EBF3: variants seen among roughly 807,000 people sequenced by gnomAD.
The protein encoded by EBF3 is EBF transcription factor 3, also known as transcription factor COE3.
A neutral mutation model predicts 77.1 loss-of-function variants in EBF3; 18 were observed. That is an observed-to-expected ratio of 0.23 (90% confidence interval 0.16 to 0.35). The LOEUF (loss-of-function observed/expected upper bound fraction) is 0.35, where lower values mean the gene tolerates loss of function less well. Ranked by LOEUF, EBF3 falls within the 10% of genes least tolerant of loss-of-function variation. EBF3 has a pLI of 1.00. For missense variants in EBF3, 558 were observed against 860.0 expected (o/e 0.65, Z 4.39); for synonymous variants, 350 against 343.5 (o/e 1.02, Z -0.21).
intron 9 of EBF3, among the ~76,000 whole-genome samples, 154 bp from the exon 10 acceptor site, chr10:129,867,421 G>A (rs150770990): frequency 2.4e-4 from 37 of 152,328 alleles, no homozygotes; most frequent in Admixed American, 1.0e-3. Context: ...GGGACCTACA[G>A]TGTTTTTTAA....
intron 6 of EBF3, among the ~76,000 whole-genome samples, chr10:129,902,251 A>G (rs1277637054): frequency 7.2e-6 from 1 of 137,978 alleles, no homozygotes; most frequent in African/African-American, 2.7e-5. Context: ...TTTTTTTACT[A>G]TGTTTCAATG....
In EBF3 at chr10:129,911,461, CT is replaced by C. The variant is rs532122336; in HGVS notation, c.555-33613del. Among the ~76,000 whole-genome samples, 144 of 152,282 alleles carry C rather than the reference CT, an allele frequency of 9.5e-4. 1 individual carries two copies. Among genetic ancestry groups the C allele is most frequent in the African/African-American group, 3.3e-3 (138 of 41,564 alleles). On this transcript the variant is annotated intron_variant, in intron 6 of 16. Coordinates refer to ENST00000440978, the MANE Select transcript of EBF3 (RefSeq NM_001375380.1). The stretch of plus-strand genomic sequence containing the variant: ...TCTGCTCTGCCCCATTCGCCCTCCC[CT>C]ATCCATTCTCCAATCACTTCCCTCT...
At chr10:129,868,103 G>A (rs1328064566) in intron 8 of EBF3, among the ~76,000 whole-genome samples, 191 bp from the exon 9 acceptor site, 1 of 152,272 alleles carries the variant, frequency 6.6e-6, no homozygotes, top group African/African-American at 2.4e-5. Context: ...TTTTATAAAG[G>A]AAAGGCCGAG....
At position 129,938,240 on chromosome 10, in the gene EBF3, T is replaced by C. The variant is rs941734673; in HGVS notation, c.554+19018A>G. The stretch of plus-strand genomic sequence containing the variant: ...TTCTAGAACGGAAATTAGTGGGTTT[T>C]TTTAAAGTTCATGGCGGGGCCGGGT... On this transcript the variant is annotated intron_variant, in intron 6 of 16. Coordinates refer to ENST00000440978, the MANE Select transcript of EBF3 (RefSeq NM_001375380.1). This position sits in a 1 kb window ranked among gnomAD's most constrained non-coding sequence, Gnocchi z 5.1. Among the ~76,000 whole-genome samples the C allele has an allele frequency of 1.3e-5, 2 of 152,148 alleles. No individual in the cohort carries two copies. The highest frequency in any genetic ancestry group is 4.8e-5 in the African/African-American group (2 of 41,438).
intron 6 of EBF3, among the ~76,000 whole-genome samples, chr10:129,925,166 G>A (rs904711185): frequency 1.1e-4 from 17 of 152,092 alleles, no homozygotes; most frequent in Non-Finnish European, 1.8e-4. Context: ...TGGGCCAGGC[G>A]CAGTGGCTCA....
chr10:129,854,062 C>G (rs915758765), intron 10 of EBF3, among the ~76,000 whole-genome samples: 6 of 147,678 alleles, frequency 4.1e-5, no homozygotes, highest in African/African-American at 1.2e-4. Context: ...TATTTAGCTC[C>G]CCCCTGAATA....
rs983969430 is a variant in EBF3, at chr10:129,905,882, C to G, written c.555-28033G>C. On this transcript the variant is annotated intron_variant, in intron 6 of 16. Coordinates refer to ENST00000440978, the MANE Select transcript of EBF3 (RefSeq NM_001375380.1). ...AATGCAACGCTCAGGCACTCAAACA[C>G]TGCTTCACATTCTACAGCGATTCCA... 3.3e-5 allele frequency among the ~76,000 whole-genome samples: 5 copies of G among 152,242 alleles called. 1 individual carries two copies. Among genetic ancestry groups the G allele is most frequent in the Non-Finnish European group, 7.3e-5 (5 of 68,046 alleles).
Position 129,835,627 on chromosome 10 carries a change from T to TGTCA in EBF3, c.*2312_*2315dup, listed in dbSNP as rs1849570615. On this transcript the variant is annotated 3_prime_UTR_variant, in exon 17 of 17. Transcript: ENST00000440978. ...CAGGCTTTCCCATGTAGCTAGACCTTGTCAACCATCACAAAGCCAGACTGT... is the reference window on the plus strand; with the variant it reads ...CAGGCTTTCCCATGTAGCTAGACCTTGTCAGTCAACCATCACAAAGCCAGACTGT... 1 of 152,352 alleles carries TGTCA rather than the reference T, an allele frequency of 6.6e-6. No individual in the cohort carries two copies. Among genetic ancestry groups the TGTCA allele is most frequent in the African/African-American group, 2.4e-5 (1 of 41,446 alleles). The allele number at this position is 152,352 out of a possible 1,614,324, so 9.4% of individuals were successfully genotyped here. A position where few individuals can be genotyped will look rare whatever the true frequency, so the allele number is the denominator to read the frequency against.
chr10:129,935,581 C>G lies in EBF3; in HGVS notation c.554+21677G>C, dbSNP rs1386052306. Among the ~76,000 whole-genome samples the G allele has an allele frequency of 6.6e-6, 1 of 152,194 alleles. No individual in the cohort carries two copies. Among genetic ancestry groups the G allele is most frequent in the Non-Finnish European group, 1.5e-5 (1 of 68,028 alleles). The stretch of plus-strand genomic sequence containing the variant: ...TAAGGCATGGGGTTAGATACATGCA[C>G]CCCACAAGGCTGGCGGGCAGCAGGC... On this transcript the variant is annotated intron_variant, in intron 6 of 16. Transcript: ENST00000440978. The surrounding 1 kb of genome is among the most constrained non-coding windows in gnomAD (Gnocchi z 4.2).
In EBF3 at chr10:129,861,070, C is replaced by A. The variant is rs1851599835; in HGVS notation, c.1039+6071G>T. Among the ~76,000 whole-genome samples the A allele has an allele frequency of 6.6e-6, 1 of 152,250 alleles. No homozygotes were observed. Among genetic ancestry groups the A allele is most frequent in the South Asian group, 2.1e-4 (1 of 4,834 alleles). ...AGTGACCCTGGAAGCCCTCCCGGCC[C>A]CACTCTTCAAAGGGCCGTGTTATCG... On this transcript the variant is annotated intron_variant, in intron 10 of 16. Coordinates refer to ENST00000440978, the MANE Select transcript of EBF3 (RefSeq NM_001375380.1). The surrounding 1 kb of genome is among the most constrained non-coding windows in gnomAD (Gnocchi z 4.3).
Position 129,837,890 on chromosome 10 carries a change from C to CT in EBF3, c.*52dup. ...CTAAACGTGTCCCCTGAAGTCCGTC[C>CT]TTTGATGCTGGGTGCTGCGGAAGGT... is the stretch of plus-strand genomic sequence containing the variant. On this transcript the variant is annotated 3_prime_UTR_variant, in exon 17 of 17. Coordinates refer to ENST00000440978, the MANE Select transcript of EBF3 (RefSeq NM_001375380.1). 1 of 1,614,070 alleles carries CT rather than the reference C, an allele frequency of 6.2e-7. No homozygotes were observed. Among genetic ancestry groups the CT allele is most frequent in the East Asian group, 2.2e-5 (1 of 44,880 alleles).
chr10:129,945,219 G>C (rs1015541462), intron 6 of EBF3, among the ~76,000 whole-genome samples: 2 of 147,972 alleles, frequency 1.4e-5, no homozygotes, highest in Non-Finnish European at 3.0e-5. Flanking sequence ...AGGCAGAAGC[G>C]AGAAAGGAAG....
chr10:129,950,042 G>A (rs1440630824), intron 6 of EBF3, among the ~76,000 whole-genome samples: 1 of 148,750 alleles, frequency 6.7e-6, no homozygotes, highest in Non-Finnish European at 1.5e-5. Context: ...GGAGGGGAGG[G>A]GGGCGGAGGC....
At chr10:129,898,136 A>G (rs1283342579) in intron 6 of EBF3, among the ~76,000 whole-genome samples, 1 of 152,268 alleles carries the variant, frequency 6.6e-6, no homozygotes, top group African/African-American at 2.4e-5. Context: ...CAGTAATTAA[A>G]CGATCATGTT....
chr10:129,948,078 G>A (rs1793485724), intron 6 of EBF3, among the ~76,000 whole-genome samples: 1 of 151,886 alleles, frequency 6.6e-6, no homozygotes, highest in Non-Finnish European at 1.5e-5. Flanking sequence ...CCAACATGGT[G>A]AAACCCCGTC....
At chr10:129,899,569 C>G (rs147880828) in intron 6 of EBF3, among the ~76,000 whole-genome samples, 42 of 152,274 alleles carry the variant, frequency 2.8e-4, no homozygotes, top group African/African-American at 1.0e-3. Context: ...GGAGGAGAAA[C>G]GGACATGTCC....
chr10:129,941,091 GACA>G (rs1857702686), intron 6 of EBF3, among the ~76,000 whole-genome samples: 1 of 152,200 alleles, frequency 6.6e-6, no homozygotes, highest in South Asian at 2.1e-4. Context: ...GAAACTCAGT[GACA>G]ACATGTGGGA....
chr10:129,851,765 G>GGC (rs1850900622), intron 10 of EBF3, among the ~76,000 whole-genome samples: 1 of 152,182 alleles, frequency 6.6e-6, no homozygotes, highest in African/African-American at 2.4e-5. Flanking sequence ...TTACAAGGCT[G>GGC]TTGTATCAAA....
At position 129,861,669 on chromosome 10, in the gene EBF3, C is replaced by T. The variant is rs1158527630; in HGVS notation, c.1039+5472G>A. Among the ~76,000 whole-genome samples, 1 of 152,140 alleles carries T rather than the reference C, an allele frequency of 6.6e-6. No homozygotes were observed. Among genetic ancestry groups the T allele is most frequent in the Non-Finnish European group, 1.5e-5 (1 of 68,028 alleles). ...CCCACTGCAGACAGGAACGAACAGT[C>T]AGCCACGGGGGGCCCCTGGCCACAC... On this transcript the variant is annotated intron_variant, in intron 10 of 16. Transcript: ENST00000440978. The surrounding 1 kb of genome is among the most constrained non-coding windows in gnomAD (Gnocchi z 4.3).
Sources: gnomAD v4.1 joint callset for allele counts (sites outside exome capture counted in the v4.1 genomes callset) on GRCh38, gnomAD v4.1.1 for gene constraint, Gnocchi (gnomAD v3.1) non-coding constraint, MANE v1.5 for transcripts, NCBI Gene and HGNC (gene_info 2026-07-23, HGNC 2026-07-21) for gene names.